The following PTHLH variants were observed in gnomAD, a reference collection of about 807,000 sequenced individuals.
PTHLH encodes the protein parathyroid hormone like hormone, also known as parathyroid hormone-related protein.
A neutral mutation model predicts 18.6 loss-of-function variants in PTHLH; 5 were observed. The ratio of observed to expected loss-of-function variants is 0.27; its 90% CI spans 0.14 to 0.56. The LOEUF is 0.56. PTHLH is among the 20% of genes least tolerant of loss of function. PTHLH has a pLI of 0.92. For synonymous variants in PTHLH, 90 were observed against 94.0 expected, an observed-to-expected ratio of 0.96 and a Z score of 0.25; for missense variants, 207 against 223.9, an observed-to-expected ratio of 0.92 and a Z score of 0.48.
At chr12:27,964,488 A>C (rs2062794448) in intron 4 of PTHLH, among the ~76,000 whole-genome samples, 2 of 152,176 alleles carry the variant, frequency 1.3e-5, no homozygotes, top group East Asian at 3.9e-4. Context: ...AGAGAGAGAG[A>C]GAGAGAGAAA....
chr12:27,963,662 A>G lies in PTHLH; in HGVS notation c.210T>C (p.Ala70=). The change falls in exon 5 of 6, where the codon GCT becomes GCC. Residue 70 remains alanine, a synonymous_variant. Coordinates refer to ENST00000545234, the MANE Select transcript of PTHLH (RefSeq NM_198965.2). ...ACACCTCCGAGGTAGCTCTGATTTCAGCTGTGTGGATTTCTGCGATCAGAT... is the reference window on the plus strand; with the variant it reads ...ACACCTCCGAGGTAGCTCTGATTTCGGCTGTGTGGATTTCTGCGATCAGAT... ...LHHLIAEIHT[A]EIRATSEVSP... 1.2e-6 allele frequency: 2 copies of G among 1,613,828 alleles called. No homozygotes were observed. The highest frequency in any genetic ancestry group is 1.6e-4 in the Middle Eastern group (1 of 6,062).
chr12:27,962,450 A>T, intron 5 of PTHLH: 1 of 730,772 alleles, frequency 1.4e-6, no homozygotes, highest in Non-Finnish European at 1.7e-6. Flanking sequence ...AGTGAGTCTT[A>T]GAAAGGCAGA....
chr12:27,961,322 C>CGTGTGTATATATATATAT (rs576903290), intron 5 of PTHLH, among the ~76,000 whole-genome samples: 1 of 101,276 alleles, frequency 9.9e-6, no homozygotes, highest in Admixed American at 1.2e-4. Flanking sequence ...TATATATATA[C>CGTGTGTATATATATATAT]GTATATATAT....
At position 27,970,139 on chromosome 12, in the gene PTHLH, A is replaced by C; in HGVS notation, c.-137T>G. 1.9e-6 allele frequency: 1 copy of C among 518,418 alleles called. No homozygotes were observed. The highest frequency in any genetic ancestry group is 1.4e-5 in the South Asian group (1 of 71,600). 32.1% of individuals were successfully genotyped at this position (518,418 alleles called of 1,614,324 possible). The stretch of plus-strand genomic sequence containing the variant: ...CAGGTGGCGGCGAGGGCGGGTCGTT[A>C]GTGGCAGCCGGAGCGGCAGGGAGGC... On this transcript the variant is annotated 5_prime_UTR_variant, in exon 3 of 6. Coordinates refer to ENST00000545234, the MANE Select transcript of PTHLH (RefSeq NM_198965.2).
At chr12:27,959,033 A>G (rs2062733675) in intron 5 of PTHLH, among the ~76,000 whole-genome samples, 1 of 152,248 alleles carries the variant, frequency 6.6e-6, no homozygotes, top group African/African-American at 2.4e-5. Flanking sequence ...GCTCATTTGG[A>G]CAATCTCTCA....
intron 4 of PTHLH, among the ~76,000 whole-genome samples, chr12:27,964,661 G>A (rs968088657): frequency 1.3e-5 from 2 of 151,942 alleles, no homozygotes; most frequent in African/African-American, 4.8e-5. Context: ...TAGTTGAGAA[G>A]TTCACTTTTC....
intron 5 of PTHLH, chr12:27,961,742 C>A: frequency 2.0e-6 from 1 of 492,654 alleles, no homozygotes; most frequent in East Asian, 3.2e-5. Flanking sequence ...ATTACTGAAG[C>A]TGTACTACTT....
In PTHLH at chr12:27,970,014, T is replaced by G; in HGVS notation, c.-23+11A>C. 3.9e-6 allele frequency: 2 copies of G among 519,070 alleles called. 1 individual carries two copies. Among genetic ancestry groups the G allele is most frequent in the South Asian group, 2.8e-5 (2 of 71,588 alleles). 32.2% of individuals were successfully genotyped at this position (519,070 alleles called of 1,614,324 possible). ...CGAAACCCACATATATATACATAGC[T>G]GTCTGTCTACCTCCTCTGGTGGGCT... On this transcript the variant is annotated intron_variant, in intron 3 of 5. Transcript: ENST00000545234.
chr12:27,971,420 A>G (rs1322398046), intron 2 of PTHLH, among the ~76,000 whole-genome samples: 1 of 152,002 alleles, frequency 6.6e-6, no homozygotes, highest in East Asian at 1.9e-4. Context: ...TGGACTGGGA[A>G]CCATTCAAGG....
At chr12:27,962,264 A>ATAG (rs2062769084) in intron 5 of PTHLH, 1 of 288,386 alleles carries the variant, frequency 3.5e-6, no homozygotes, top group African/African-American at 2.2e-5. Flanking sequence ...AGATAGATAG[A>ATAG]AATAGATTAT....
At chr12:27,968,471 T>G (rs2062837077) in intron 4 of PTHLH, among the ~76,000 whole-genome samples, 1 of 152,214 alleles carries the variant, frequency 6.6e-6, no homozygotes, top group Admixed American at 6.5e-5. Flanking sequence ...AGTTTTCCCA[T>G]TCTGAACACT....
intron 5 of PTHLH, among the ~76,000 whole-genome samples, chr12:27,959,500 C>G (rs1325225343): frequency 6.6e-6 from 1 of 152,106 alleles, no homozygotes; most frequent in African/African-American, 2.4e-5. Context: ...TTCTGTCTCC[C>G]TTTCTCTTCT....
intron 5 of PTHLH, among the ~76,000 whole-genome samples, chr12:27,961,301 G>GTATA (rs56920245): frequency 1.6e-3 from 138 of 84,182 alleles, no homozygotes; most frequent in East Asian, 7.5e-3. Flanking sequence ...ATATATATAC[G>GTATA]TATATATATA....
chr12:27,963,169 AG>A (rs1591847896), intron 5 of PTHLH, 178 bp downstream of exon 5: 41 of 1,490,148 alleles, frequency 2.8e-5, no homozygotes, highest in Non-Finnish European at 3.5e-5. Flanking sequence ...TGTGTGTGGT[AG>A]GGGGGTACTG....
chr12:27,965,521 T>A (rs1172777874), intron 4 of PTHLH, among the ~76,000 whole-genome samples: 1 of 152,228 alleles, frequency 6.6e-6, no homozygotes, highest in Non-Finnish European at 1.5e-5. Flanking sequence ...GAGTAAGAGA[T>A]GAAAATACAG....
At chr12:27,969,232 A>G in intron 4 of PTHLH, 162 bp downstream of exon 4, 1 of 647,336 alleles carries the variant, frequency 1.5e-6, no homozygotes, top group Non-Finnish European at 2.7e-6. Context: ...GCCAGGTTTG[A>G]GGACCCGGGC....
chr12:27,960,932 T>C (rs1379157745), intron 5 of PTHLH, among the ~76,000 whole-genome samples: 1 of 151,940 alleles, frequency 6.6e-6, no homozygotes, highest in Non-Finnish European at 1.5e-5. Flanking sequence ...CCCCATACAT[T>C]CTCATCAATA....
rs1204242118 is a variant in PTHLH, at chr12:27,970,153, C to A, written c.-151G>T. 3 of 517,508 alleles carry A rather than the reference C, an allele frequency of 5.8e-6. No individual in the cohort carries two copies. The highest frequency in any genetic ancestry group is 3.9e-5 in the African/African-American group (2 of 51,928). 32.1% of individuals were successfully genotyped at this position (517,508 alleles called of 1,614,324 possible). On this transcript the variant is annotated 5_prime_UTR_variant, in exon 3 of 6. Transcript: ENST00000545234. ...GGCGGGTCGTTAGTGGCAGCCGGAGCGGCAGGGAGGCGGCAGCCCCGCTTC... is the reference window on the plus strand; with the variant it reads ...GGCGGGTCGTTAGTGGCAGCCGGAGAGGCAGGGAGGCGGCAGCCCCGCTTC...
Position 27,969,426 on chromosome 12 carries a change from G to A in PTHLH, c.69C>T (p.Cys23=), listed in dbSNP as rs1365345285. The change falls in exon 4 of 6, where the codon TGC becomes TGT. Residue 23 remains cysteine (C), a synonymous_variant. Transcript: ENST00000545234. ...VFLLSYAVPS[C]GRSVEGLSRR... is the part of the protein sequence containing the mutation. Reference sequence around the variant, plus strand: ...GGCTGAGACCCTCCACCGAGCGCCCGCAGGAGGGCACCGCGTAGCTCAGCA... The same window carrying A: ...GGCTGAGACCCTCCACCGAGCGCCCACAGGAGGGCACCGCGTAGCTCAGCA... The A allele has an allele frequency of 1.9e-6, 3 of 1,592,908 alleles. No homozygotes were observed. The highest frequency in any genetic ancestry group is 4.6e-5 in the East Asian group (2 of 43,832).
Sources: allele counts gnomAD v4.1 joint callset (sites outside exome capture counted in the v4.1 genomes callset), GRCh38; gene constraint gnomAD v4.1.1; transcripts MANE v1.5; gene names NCBI Gene and HGNC (gene_info 2026-07-23, HGNC 2026-07-21).